Variants in SLCO6A1 observed in about 807,000 individuals in gnomAD.
The protein encoded by SLCO6A1 is cancer/testis antigen 48.
A neutral mutation model predicts 72.7 loss-of-function variants in SLCO6A1; 65 were observed. The ratio of observed to expected loss-of-function variants is 0.89; its 90% CI spans 0.73 to 1.10. The LOEUF is 1.10. Ranked by LOEUF, SLCO6A1 falls within the 50% of genes least tolerant of loss-of-function variation. The pLI is 0.00. For synonymous variants in SLCO6A1, 314 were observed against 298.2 expected (o/e 1.05, Z -0.55); for missense variants, 874 against 872.6 (o/e 1.00, Z -0.02).
At chr5:102,470,758 C>G (rs1244609422) in intron 4 of SLCO6A1, among the ~76,000 whole-genome samples, 2 of 151,982 alleles carry the variant, frequency 1.3e-5, no homozygotes, top group Non-Finnish European at 2.9e-5. Flanking sequence ...CCCAGTGGAA[C>G]TACCAGGCTT....
intron 7 of SLCO6A1, among the ~76,000 whole-genome samples, chr5:102,420,257 A>T (rs370873602): frequency 6.6e-6 from 1 of 152,316 alleles, no homozygotes; most frequent in African/African-American, 2.4e-5. Context: ...GTGATGGTGA[A>T]GTTTTGGTCC....
chr5:102,419,570 A>G (rs1748473653), intron 8 of SLCO6A1, among the ~76,000 whole-genome samples: 1 of 152,214 alleles, frequency 6.6e-6, no homozygotes, highest in South Asian at 2.1e-4. Flanking sequence ...AACTTTATTT[A>G]TAGGTTCCAA....
intron 1 of SLCO6A1, among the ~76,000 whole-genome samples, chr5:102,481,274 G>A (rs116517188): frequency 1.8e-4 from 28 of 152,038 alleles, no homozygotes; most frequent in Admixed American, 9.2e-4. Flanking sequence ...GTCTTCCTAT[G>A]ACAGGGAGCT....
chr5:102,466,946 T>A (rs1227140059), intron 4 of SLCO6A1, among the ~76,000 whole-genome samples: 1 of 152,040 alleles, frequency 6.6e-6, no homozygotes, highest in Non-Finnish European at 1.5e-5. Context: ...TTTGTTAAAA[T>A]TTTCTCCCAT....
At chr5:102,480,046 G>C (rs1332646035) in intron 2 of SLCO6A1, 131 bp downstream of exon 2, 1 of 820,914 alleles carries the variant, frequency 1.2e-6, no homozygotes, top group African/African-American at 1.7e-5. Context: ...TAGCAAACTT[G>C]GTCATATAAA....
intron 6 of SLCO6A1, among the ~76,000 whole-genome samples, chr5:102,457,271 G>A (rs930665463): frequency 1.9e-5 from 2 of 106,864 alleles, no homozygotes; most frequent in Non-Finnish European, 4.0e-5. Flanking sequence ...TTAAACTAAA[G>A]AGCTTCTCCA....
At chr5:102,478,199 C>A (rs147133496) in intron 2 of SLCO6A1, among the ~76,000 whole-genome samples, 5 of 152,162 alleles carry the variant, frequency 3.3e-5, no homozygotes, top group African/African-American at 1.2e-4. Context: ...GGGAATCCTG[C>A]AAAAGATGCA....
intron 4 of SLCO6A1, among the ~76,000 whole-genome samples, chr5:102,469,814 T>C (rs554410010): frequency 2.6e-5 from 4 of 152,280 alleles, no homozygotes; most frequent in Non-Finnish European, 5.9e-5. Flanking sequence ...ATAGTTCTTA[T>C]TATTTTGAGA....
intron 10 of SLCO6A1, among the ~76,000 whole-genome samples, chr5:102,391,766 T>C (rs1356832942): frequency 6.6e-6 from 1 of 152,136 alleles, no homozygotes; most frequent in Non-Finnish European, 1.5e-5. Flanking sequence ...TTGTTCTAAT[T>C]TGAGGGTGCC....
chr5:102,498,547 C>G lies in SLCO6A1; in HGVS notation c.298G>C (p.Glu100Gln), dbSNP rs773147003. Reference sequence around the variant, plus strand: ...AAGCAGCGAATGTTATTGCAACACTCACAGCAGGTGCTGACTAAGCAGCCC... The same window carrying G: ...AAGCAGCGAATGTTATTGCAACACTGACAGCAGGTGCTGACTAAGCAGCCC... ...GLGCLVSTCC[E>Q]CCNNIRCFMI... Residue 100 changes from glutamate to glutamine, a missense_variant, in exon 1 of 14, where the codon GAG (glutamate) becomes CAG (glutamine). By Grantham distance (29) the Glu-to-Gln change is conservative (BLOSUM62 2). Coordinates refer to ENST00000506729, the MANE Select transcript of SLCO6A1 (RefSeq NM_173488.5). 1 of 1,614,238 alleles carries G rather than the reference C, an allele frequency of 6.2e-7. No homozygotes were observed. Among genetic ancestry groups the G allele is most frequent in the Non-Finnish European group, 8.5e-7 (1 of 1,180,036 alleles).
intron 10 of SLCO6A1, among the ~76,000 whole-genome samples, chr5:102,392,778 T>C (rs1014673735): frequency 3.9e-5 from 6 of 152,098 alleles, no homozygotes; most frequent in African/African-American, 1.4e-4. Context: ...AAAAAACTTG[T>C]CAATACTCTC....
intron 7 of SLCO6A1, among the ~76,000 whole-genome samples, chr5:102,432,118 G>A (rs1447510643): frequency 6.6e-6 from 1 of 151,964 alleles, no homozygotes; most frequent in Admixed American, 6.6e-5. Flanking sequence ...CTATTTTTGA[G>A]TCTATTGGTG....
chr5:102,382,867 G>A (rs1034904166), intron 12 of SLCO6A1, among the ~76,000 whole-genome samples: 2 of 150,086 alleles, frequency 1.3e-5, no homozygotes, highest in Non-Finnish European at 3.0e-5. Context: ...AGTTTTAACA[G>A]TTTTTTGGTG....
At chr5:102,455,780 C>T (rs993317323) in intron 6 of SLCO6A1, among the ~76,000 whole-genome samples, 1 of 152,138 alleles carries the variant, frequency 6.6e-6, no homozygotes, top group African/African-American at 2.4e-5. Flanking sequence ...TTGGCAAAGC[C>T]AGCCCTATTT....
intron 1 of SLCO6A1, among the ~76,000 whole-genome samples, chr5:102,489,587 A>C (rs2112856308): frequency 6.6e-6 from 1 of 152,324 alleles, no homozygotes; most frequent in Middle Eastern, 3.4e-3. Context: ...TGTTATCAAA[A>C]AGACAGAAGA....
chr5:102,375,582 T>A (rs891928181), intron 12 of SLCO6A1, among the ~76,000 whole-genome samples: 1 of 152,140 alleles, frequency 6.6e-6, no homozygotes, highest in Non-Finnish European at 1.5e-5. Context: ...TCAGAGAGTT[T>A]CTAGCAGTTG....
At chr5:102,471,310 AAC>A (rs1262186590) in intron 4 of SLCO6A1, among the ~76,000 whole-genome samples, 2 of 152,054 alleles carry the variant, frequency 1.3e-5, no homozygotes, top group Admixed American at 1.3e-4. Context: ...AAACAAGCTG[AAC>A]ATAAATCAAT....
intron 13 of SLCO6A1, among the ~76,000 whole-genome samples, chr5:102,373,047 C>G (rs1264619762): frequency 2.6e-5 from 4 of 151,630 alleles, no homozygotes; most frequent in African/African-American, 7.3e-5. Context: ...TAGCAAAGGC[C>G]AACAACTAAT....
chr5:102,441,846 T>C (rs1749850651), intron 6 of SLCO6A1, among the ~76,000 whole-genome samples: 1 of 151,834 alleles, frequency 6.6e-6, no homozygotes, highest in African/African-American at 2.4e-5. Flanking sequence ...TAAATGTAGA[T>C]TATTCTTTTT....
Sources: gnomAD v4.1 joint callset for allele counts (sites outside exome capture counted in the v4.1 genomes callset) on GRCh38, gnomAD v4.1.1 for gene constraint, MANE v1.5 for transcripts, NCBI Gene and HGNC (gene_info 2026-07-23, HGNC 2026-07-21) for gene names.